The following PPP4R1 variants were observed in gnomAD, a reference collection of about 807,000 sequenced individuals.
PPP4R1 encodes protein phosphatase 4 regulatory subunit 1.
PPP4R1 carries 42 observed loss-of-function variants against 111.2 expected under a neutral mutation model. The ratio of observed to expected loss-of-function variants is 0.38; its 90% CI spans 0.29 to 0.49. The LOEUF is 0.49. Among genes scored for constraint, PPP4R1 ranks in the 20% least tolerant of loss-of-function variants. PPP4R1 has a pLI of 0.97. For synonymous variants in PPP4R1, 409 were observed against 405.5 expected (o/e 1.01, Z -0.10); for missense variants, 1,012 against 1,161.6 (o/e 0.87, Z 1.87).
chr18:9,606,308 C>T (rs1046670417), intron 2 of PPP4R1, among the ~76,000 whole-genome samples: 1 of 152,136 alleles, frequency 6.6e-6, no homozygotes, highest in Non-Finnish European at 1.5e-5. Context: ...CTTCTGTTTT[C>T]GTAAATAAAA....
chr18:9,606,434 T>G (rs567112086), intron 2 of PPP4R1, among the ~76,000 whole-genome samples: 1 of 152,350 alleles, frequency 6.6e-6, no homozygotes, highest in South Asian at 2.1e-4. Flanking sequence ...AAACCTAAAC[T>G]ATTTAATATT....
At chr18:9,548,313 C>T (rs1029403615) in intron 19 of PPP4R1, among the ~76,000 whole-genome samples, 9 of 150,950 alleles carry the variant, frequency 6.0e-5, no homozygotes, top group East Asian at 5.8e-4. Flanking sequence ...AAAAAATATT[C>T]ATTTATCCTT....
intron 11 of PPP4R1, among the ~76,000 whole-genome samples, chr18:9,568,489 C>A (rs2066806871): frequency 6.6e-6 from 1 of 152,170 alleles, no homozygotes. Flanking sequence ...TATTAGATAT[C>A]TTCTGAAACA....
At position 9,563,444 on chromosome 18, in the gene PPP4R1, T is replaced by C; in HGVS notation, c.1680A>G (p.Ile560Met). Reference sequence around the variant, plus strand: ...TTATTTTACAATTTGGTAGCTCATTTATATCCAGTTCATCTTGCAAATCAC... The same window carrying C: ...TTATTTTACAATTTGGTAGCTCATTCATATCCAGTTCATCTTGCAAATCAC... ...KRSDLQDELDINELPNCKINQ... is the reference protein window; with the variant it reads ...KRSDLQDELDMNELPNCKINQ... Residue 560 changes from isoleucine to methionine, a missense_variant, in exon 12 of 20, where the codon ATA becomes ATG. Around this residue, in one of 2 missense-constraint regions of PPP4R1, gnomAD observed 707 missense variants for 742.1 expected, o/e 0.95. Coordinates refer to ENST00000400556, the MANE Select transcript of PPP4R1 (RefSeq NM_001042388.3). 6.2e-7 allele frequency: 1 copy of C among 1,611,558 alleles called. No homozygotes were observed. Among genetic ancestry groups the C allele is most frequent in the Non-Finnish European group, 8.5e-7 (1 of 1,177,948 alleles).
chr18:9,568,720 G>A (rs539380039), intron 11 of PPP4R1, among the ~76,000 whole-genome samples: 1 of 152,148 alleles, frequency 6.6e-6, no homozygotes, highest in Non-Finnish European at 1.5e-5. Flanking sequence ...GTAATCTTTT[G>A]TTCATAAAAA....
chr18:9,557,602 TGAG>T lies in PPP4R1; in HGVS notation c.2029-223_2029-221del, dbSNP rs199775851. 8.0e-3 allele frequency among the ~76,000 whole-genome samples: 1,223 copies of T among 152,372 alleles called. 8 individuals carry two copies. The highest frequency in any genetic ancestry group is 0.028 in the African/African-American group (1,159 of 41,590). On this transcript the variant is annotated intron_variant, in intron 14 of 19. Transcript: ENST00000400556. ...GTACGTATTATCTTCCTTTCATTTATGAGGAGAAAATGCTTAGCAATCGTGAAG... is the reference window on the plus strand; with the variant it reads ...GTACGTATTATCTTCCTTTCATTTATGAGAAAATGCTTAGCAATCGTGAAG...
At chr18:9,562,158 C>T (rs542567363) in intron 12 of PPP4R1, 83 bp from the exon 13 acceptor site, 2 of 1,015,364 alleles carry the variant, frequency 2.0e-6, no homozygotes, top group South Asian at 2.8e-5. Flanking sequence ...ACTTACCTTT[C>T]AAGACTGCCA....
rs371280737 is a variant in PPP4R1, at chr18:9,550,153, T to C, written c.2446A>G (p.Thr816Ala). Residue 816 changes from threonine to alanine, a missense_variant, in exon 18 of 20, where the codon ACA becomes GCA. Around this residue, in one of 2 missense-constraint regions of PPP4R1, gnomAD observed 305 missense variants for 419.5 expected, o/e 0.73. Coordinates refer to ENST00000400556, the MANE Select transcript of PPP4R1 (RefSeq NM_001042388.3). The stretch of plus-strand genomic sequence containing the variant: ...AGGTCCACTCCGAACGTTGGTGGTG[T>C]TGCCGCGTGCAGCTTCTTCACCATC... ...SEMVKKLHAA[T>A]PPTFGVDLIN... 1.5e-4 allele frequency: 250 copies of C among 1,614,190 alleles called. 1 individual carries two copies. The South Asian group carries it at 2.6e-3, about 17-fold the overall frequency.
At chr18:9,566,136 C>T (rs953229434) in intron 11 of PPP4R1, among the ~76,000 whole-genome samples, 2 of 151,846 alleles carry the variant, frequency 1.3e-5, no homozygotes, top group Non-Finnish European at 2.9e-5. Flanking sequence ...GTCTCAAACT[C>T]CTGACCTCAG....
chr18:9,611,319 G>A (rs1376638682), intron 2 of PPP4R1, among the ~76,000 whole-genome samples: 3 of 152,074 alleles, frequency 2.0e-5, no homozygotes, highest in Non-Finnish European at 4.4e-5. Flanking sequence ...GAGAAACTCA[G>A]GCTCACGAGA....
chr18:9,556,339 CCT>C (rs2066584877), intron 15 of PPP4R1, among the ~76,000 whole-genome samples: 2 of 151,584 alleles, frequency 1.3e-5, no homozygotes, highest in Admixed American at 6.6e-5. Context: ...ACTACAGGTG[CCT>C]ACCACCACGC....
chr18:9,608,428 CAA>C (rs2067521607), intron 2 of PPP4R1, among the ~76,000 whole-genome samples: 1 of 152,148 alleles, frequency 6.6e-6, no homozygotes, highest in Non-Finnish European at 1.5e-5. Context: ...ACATTCATAT[CAA>C]TAAGGCCAGA....
At chr18:9,564,737 T>TGGG (rs201070259) in intron 11 of PPP4R1, among the ~76,000 whole-genome samples, 2 of 67,982 alleles carry the variant, frequency 2.9e-5, no homozygotes, top group South Asian at 3.2e-4. Context: ...TGTGTGTGTG[T>TGGG]GGGGGTATCA....
chr18:9,584,894 A>ACTTTT, intron 6 of PPP4R1, 66 bp from the exon 7 acceptor site: 4 of 1,250,378 alleles, frequency 3.2e-6, no homozygotes, highest in Non-Finnish European at 4.5e-6. Context: ...TAAATTAAAT[A>ACTTTT]ATAAAAGTAT....
chr18:9,547,917 C>T lies in PPP4R1; in HGVS notation c.2725G>A (p.Ala909Thr). The change falls in exon 20 of 20, where the codon GCT (alanine) becomes ACT (threonine). Residue 909 changes from alanine (A) to threonine (T), a missense_variant. Transcript: ENST00000400556. ...AGAGCCATGATGGTCTGCTCCACAG[C>T]CTCCTGGTGGCAGCTGGCAGAGGCC... ...FLASASCHQE[A>T]VEQTIMALQM... The T allele has an allele frequency of 1.2e-6, 2 of 1,614,004 alleles. No individual in the cohort carries two copies. Among genetic ancestry groups the T allele is most frequent in the Non-Finnish European group, 1.7e-6 (2 of 1,180,020 alleles).
intron 2 of PPP4R1, among the ~76,000 whole-genome samples, chr18:9,605,016 A>C (rs183662418): frequency 6.6e-6 from 1 of 152,164 alleles, no homozygotes; most frequent in South Asian, 2.1e-4. Context: ...CTTTTATCAA[A>C]ATTGATCAAA....
At chr18:9,560,165 A>G (rs948407402) in intron 13 of PPP4R1, among the ~76,000 whole-genome samples, 1 of 152,144 alleles carries the variant, frequency 6.6e-6, no homozygotes, top group African/African-American at 2.4e-5. Context: ...CTGTAGTTCC[A>G]GATACTCGGG....
chr18:9,558,679 C>A (rs1598896323), intron 14 of PPP4R1, among the ~76,000 whole-genome samples: 1 of 143,892 alleles, frequency 6.9e-6, no homozygotes, highest in South Asian at 2.2e-4. Context: ...CATTTCAGTA[C>A]AAATTAGCCT....
intron 10 of PPP4R1, among the ~76,000 whole-genome samples, chr18:9,573,496 T>G (rs920348636): frequency 1.2e-4 from 18 of 152,336 alleles, no homozygotes; most frequent in African/African-American, 4.3e-4. Flanking sequence ...AATTTTAAAA[T>G]TATAATAAGA....
Sources: gnomAD v4.1 joint callset for allele counts (sites outside exome capture counted in the v4.1 genomes callset) on GRCh38, gnomAD v4.1.1 for gene constraint, gnomAD v4.1.1 regional missense constraint, MANE v1.5 for transcripts, NCBI Gene and HGNC (gene_info 2026-07-23, HGNC 2026-07-21) for gene names.